STPG2: variants seen among roughly 807,000 people sequenced by gnomAD.
STPG2 encodes sperm-tail PG-rich repeat-containing protein 2.
A neutral mutation model predicts 54.2 loss-of-function variants in STPG2; 56 were observed. That is an observed-to-expected ratio of 1.03 (90% CI 0.83 to 1.29). The LOEUF (loss-of-function observed/expected upper bound fraction) is 1.29. STPG2 is among the 50% of genes most tolerant of loss of function. The pLI is 0.00. For synonymous variants in STPG2, 200 were observed against 181.8 expected (o/e 1.10, Z -0.81); for missense variants, 596 against 544.9 (o/e 1.09, Z -0.93).
chr4:97,718,919 C>G (rs1255955819), intron 9 of STPG2, among the ~76,000 whole-genome samples: 1 of 151,864 alleles, frequency 6.6e-6, no homozygotes, highest in African/African-American at 2.4e-5. Context: ...TATTCCTAAT[C>G]CAAAAATCTG....
intron 9 of STPG2, among the ~76,000 whole-genome samples, chr4:97,729,946 A>G (rs541307886): frequency 2.6e-5 from 4 of 152,164 alleles, no homozygotes; most frequent in Non-Finnish European, 5.9e-5. Flanking sequence ...TCTTGCAGCT[A>G]TACTGAATTC....
At chr4:97,821,674 C>T (rs1001905712) in intron 9 of STPG2, among the ~76,000 whole-genome samples, 49 of 152,200 alleles carry the variant, frequency 3.2e-4, no homozygotes, top group African/African-American at 1.2e-3. Context: ...GCCGCCAAGC[C>T]TCCCTCACTC....
At chr4:98,073,361 T>C (rs191350743) in intron 5 of STPG2, among the ~76,000 whole-genome samples, 6 of 152,312 alleles carry the variant, frequency 3.9e-5, no homozygotes, top group Admixed American at 3.3e-4. Context: ...TCAATGTATG[T>C]CTAATACTCA....
At chr4:98,031,220 A>T (rs1284359600) in intron 5 of STPG2, among the ~76,000 whole-genome samples, 7 of 152,322 alleles carry the variant, frequency 4.6e-5, no homozygotes, top group African/African-American at 1.7e-4. Context: ...ATGAAATTGG[A>T]TCCAATCTCT....
At chr4:97,737,331 C>A (rs1725041582) in intron 9 of STPG2, among the ~76,000 whole-genome samples, 1 of 152,182 alleles carries the variant, frequency 6.6e-6, no homozygotes, top group Non-Finnish European at 1.5e-5. Flanking sequence ...AACACAGTTC[C>A]TCACCAGCAA....
At chr4:98,045,730 A>G (rs1278811342) in intron 5 of STPG2, among the ~76,000 whole-genome samples, 1 of 152,064 alleles carries the variant, frequency 6.6e-6, no homozygotes, top group Admixed American at 6.5e-5. Flanking sequence ...ATCTATTTTA[A>G]TAAATCTGCT....
chr4:97,946,152 G>A (rs913154527), intron 7 of STPG2, among the ~76,000 whole-genome samples: 1 of 152,124 alleles, frequency 6.6e-6, no homozygotes, highest in Non-Finnish European at 1.5e-5. Flanking sequence ...GACTAGTGAT[G>A]TTGAATATTT....
At chr4:98,084,569 C>G (rs917054227) in intron 5 of STPG2, among the ~76,000 whole-genome samples, 2 of 151,980 alleles carry the variant, frequency 1.3e-5, no homozygotes, top group African/African-American at 4.8e-5. Context: ...TTTTACATTC[C>G]CATAAGGGAT....
intron 8 of STPG2, among the ~76,000 whole-genome samples, chr4:97,892,242 A>AT (rs1442877184): frequency 6.6e-6 from 1 of 152,134 alleles, no homozygotes; most frequent in East Asian, 1.9e-4. Context: ...CAATAAGTCC[A>AT]TTTTTAAGAA....
At chr4:97,518,491 T>G (rs1314030604) in intron 4 of STPG2, among the ~76,000 whole-genome samples, 1 of 152,148 alleles carries the variant, frequency 6.6e-6, no homozygotes, top group Non-Finnish European at 1.5e-5. Flanking sequence ...TACTGGCAGT[T>G]TTAAATGCAA....
chr4:98,029,265 T>C (rs1736521588), intron 5 of STPG2, among the ~76,000 whole-genome samples: 1 of 152,124 alleles, frequency 6.6e-6, no homozygotes, highest in African/African-American at 2.4e-5. Context: ...CTATCAATTA[T>C]TGAGACCAGA....
chr4:97,790,489 G>T (rs142715565), intron 9 of STPG2, among the ~76,000 whole-genome samples: 1 of 152,252 alleles, frequency 6.6e-6, no homozygotes, highest in Non-Finnish European at 1.5e-5. Context: ...TTCTAGAAGA[G>T]AATGTGTTTG....
intron 8 of STPG2, chr4:97,893,272 A>G (rs1364775583): frequency 6.6e-6 from 1 of 151,944 alleles, no homozygotes; most frequent in Non-Finnish European, 1.5e-5. Flanking sequence ...TTCATTTGGA[A>G]CCACAAAAAA....
At chr4:97,608,302 A>C (rs1179409644) in intron 10 of STPG2, among the ~76,000 whole-genome samples, 3 of 151,966 alleles carry the variant, frequency 2.0e-5, no homozygotes, top group African/African-American at 7.2e-5. Context: ...TGTATTACTA[A>C]TAATGTAGCA....
intron 9 of STPG2, among the ~76,000 whole-genome samples, chr4:97,780,713 G>C (rs1726569957): frequency 6.6e-6 from 1 of 150,792 alleles, no homozygotes; most frequent in Admixed American, 6.6e-5. Context: ...TAAAAGAACA[G>C]AAATTATAAC....
intron 3 of STPG2, among the ~76,000 whole-genome samples, chr4:98,119,996 A>G (rs1438112718): frequency 6.6e-6 from 1 of 152,064 alleles, no homozygotes; most frequent in African/African-American, 2.4e-5. Flanking sequence ...TATCCAGTCT[A>G]TCATTGATGG....
At chr4:97,476,368 T>G (rs957978038) in intron 4 of STPG2, among the ~76,000 whole-genome samples, 1 of 152,146 alleles carries the variant, frequency 6.6e-6, no homozygotes, top group Non-Finnish European at 1.5e-5. Flanking sequence ...TAAAAAATTT[T>G]TCTATATATA....
At chr4:97,531,103 T>C (rs1203275281) in intron 4 of STPG2, among the ~76,000 whole-genome samples, 2 of 152,288 alleles carry the variant, frequency 1.3e-5, no homozygotes, top group African/African-American at 4.8e-5. Context: ...TATGAAAAGA[T>C]GTTCAACAGC....
chr4:98,030,679 A>T (rs796600358), intron 5 of STPG2, among the ~76,000 whole-genome samples: 3 of 152,334 alleles, frequency 2.0e-5, no homozygotes, highest in African/African-American at 7.2e-5. Context: ...CTGGTACAAA[A>T]AAATAGTCAC....
Sources: allele counts gnomAD v4.1 joint callset (sites outside exome capture counted in the v4.1 genomes callset), GRCh38; gene constraint gnomAD v4.1.1; transcripts MANE v1.5; gene names NCBI Gene and HGNC (gene_info 2026-07-23, HGNC 2026-07-21).